ITPKB: variants seen among roughly 807,000 people sequenced by gnomAD.
ITPKB encodes the protein IP3 3-kinase B.
A neutral mutation model predicts 69.4 loss-of-function variants in ITPKB; 13 were observed. The observed-to-expected ratio is 0.19, with a 90% confidence interval of 0.12 to 0.30. The LOEUF is 0.30. ITPKB is among the 10% of genes least tolerant of loss of function. ITPKB has a pLI of 1.00. For synonymous variants in ITPKB, 584 were observed against 513.7 expected, an observed-to-expected ratio of 1.14 and a Z score of -1.85; for missense variants, 1,240 against 1,250.5, an observed-to-expected ratio of 0.99 and a Z score of 0.13.
At chr1:226,694,917 A>G (rs960738032) in intron 2 of ITPKB, among the ~76,000 whole-genome samples, 2 of 152,258 alleles carry the variant, frequency 1.3e-5, no homozygotes, top group Non-Finnish European at 2.9e-5. Context: ...AGGTCTCCTC[A>G]TTCTTCCAAC....
chr1:226,681,110 C>T (rs3768388), intron 2 of ITPKB, among the ~76,000 whole-genome samples: 2,431 of 152,264 alleles, frequency 0.016, 111 homozygotes, highest in Admixed American at 0.081. Context: ...GGTCAGAAAA[C>T]TAACCACCTG....
chr1:226,719,964 C>T (rs933694563), intron 2 of ITPKB, among the ~76,000 whole-genome samples: 1 of 152,218 alleles, frequency 6.6e-6, no homozygotes, highest in South Asian at 2.1e-4. Context: ...GGCTTATTGC[C>T]CTGCTATGTC....
At chr1:226,723,274 G>A (rs1310112034) in intron 2 of ITPKB, among the ~76,000 whole-genome samples, 4 of 152,130 alleles carry the variant, frequency 2.6e-5, no homozygotes, top group Non-Finnish European at 5.9e-5. Flanking sequence ...TAGGTTCTCT[G>A]TGGCTCACTT....
intron 2 of ITPKB, among the ~76,000 whole-genome samples, chr1:226,702,656 G>A (rs182400265): frequency 6.6e-6 from 1 of 152,280 alleles, no homozygotes; most frequent in African/African-American, 2.4e-5. Flanking sequence ...TACAACTACT[G>A]GTATTCTCTT....
chr1:226,649,524 ATGTGTGCATG>A (rs1669141739), intron 2 of ITPKB, among the ~76,000 whole-genome samples: 1 of 140,914 alleles, frequency 7.1e-6, no homozygotes, highest in Non-Finnish European at 1.5e-5. Flanking sequence ...CATGTGTGTG[ATGTGTGCATG>A]TGTGTGCATG....
chr1:226,730,399 T>G (rs147873418), intron 2 of ITPKB, among the ~76,000 whole-genome samples: 1 of 152,346 alleles, frequency 6.6e-6, no homozygotes, highest in African/African-American at 2.4e-5. Flanking sequence ...GGTGTGACTT[T>G]TGTTAACAAT....
At chr1:226,674,582 C>T (rs1163548430) in intron 2 of ITPKB, among the ~76,000 whole-genome samples, 2 of 152,168 alleles carry the variant, frequency 1.3e-5, no homozygotes, top group Non-Finnish European at 2.9e-5. Flanking sequence ...GATCTGCCCG[C>T]CTTGGCCTCC....
chr1:226,635,112 G>A (rs1378808514), intron 7 of ITPKB, among the ~76,000 whole-genome samples: 2 of 152,288 alleles, frequency 1.3e-5, no homozygotes, highest in South Asian at 4.1e-4. Flanking sequence ...TTCTGTGTGG[G>A]CAGCAGCAGG....
At chr1:226,669,969 G>A (rs1273542527) in intron 2 of ITPKB, among the ~76,000 whole-genome samples, 2 of 150,866 alleles carry the variant, frequency 1.3e-5, no homozygotes, top group Non-Finnish European at 3.0e-5. Context: ...CGCCTCCAGG[G>A]GTCAAGCAAT....
At chr1:226,699,464 T>C (rs1157830675) in intron 2 of ITPKB, among the ~76,000 whole-genome samples, 1 of 152,242 alleles carries the variant, frequency 6.6e-6, no homozygotes, top group African/African-American at 2.4e-5. Context: ...ACTAGAATTT[T>C]CTTGGACAAC....
rs562942576 is a variant in ITPKB at position 226,738,904 on chromosome 1, A to T, written c.-206+137T>A. 6.6e-6 allele frequency: 1 copy of T among 151,064 alleles called. No homozygotes were observed. Among genetic ancestry groups the T allele is most frequent in the South Asian group, 2.1e-4 (1 of 4,752 alleles). The allele number at this position is 151,064 out of a possible 1,614,324, so 9.4% of individuals were successfully genotyped here. A position where few individuals can be genotyped will look rare whatever the true frequency, so the allele number is the denominator to read the frequency against. ...ACTCCATGTCACCCTCCAAAATCAA[A>T]CCCCCTTCCCTGCCTCCCCAGCCCA... On this transcript the variant is annotated intron_variant, in intron 1 of 7. Transcript: ENST00000429204. The surrounding 1 kb of genome is among the most constrained non-coding windows in gnomAD (Gnocchi z 4.2).
chr1:226,663,571 C>T (rs757679839), intron 2 of ITPKB, among the ~76,000 whole-genome samples: 5 of 152,118 alleles, frequency 3.3e-5, no homozygotes, highest in African/African-American at 1.2e-4. Context: ...GAGTCAGTGG[C>T]GCAATCACGG....
chr1:226,731,651 T>C (rs2102650388), intron 2 of ITPKB, among the ~76,000 whole-genome samples: 1 of 152,262 alleles, frequency 6.6e-6, no homozygotes, highest in East Asian at 1.9e-4. Context: ...CATGAGTGTG[T>C]CCTTGGTTCC....
intron 2 of ITPKB, among the ~76,000 whole-genome samples, chr1:226,692,249 G>T (rs946343073): frequency 4.0e-5 from 6 of 149,160 alleles, no homozygotes; most frequent in African/African-American, 7.4e-5. Context: ...AATCATGTGG[G>T]TTTTTTTTTT....
At chr1:226,733,225 G>A (rs527833522) in intron 2 of ITPKB, among the ~76,000 whole-genome samples, 22 of 152,268 alleles carry the variant, frequency 1.4e-4, no homozygotes, top group African/African-American at 4.3e-4. Context: ...CAGCTATAGC[G>A]TTGTGCAGTA....
At chr1:226,667,679 A>T (rs1355897590) in intron 2 of ITPKB, among the ~76,000 whole-genome samples, 2 of 152,188 alleles carry the variant, frequency 1.3e-5, no homozygotes, top group Non-Finnish European at 2.9e-5. Flanking sequence ...CACAGCTGTG[A>T]GTGCTTTCTC....
At chr1:226,710,690 G>A (rs1656925248) in intron 2 of ITPKB, among the ~76,000 whole-genome samples, 1 of 152,228 alleles carries the variant, frequency 6.6e-6, no homozygotes, top group Non-Finnish European at 1.5e-5. Context: ...TCTGGAGTGA[G>A]CTGGATTCTC....
chr1:226,715,276 T>G (rs1657067408), intron 2 of ITPKB, among the ~76,000 whole-genome samples: 1 of 152,242 alleles, frequency 6.6e-6, no homozygotes, highest in Non-Finnish European at 1.5e-5. Flanking sequence ...AAGCGTTAGT[T>G]CACTCTTTTC....
At chr1:226,733,206 G>C (rs545419589) in intron 2 of ITPKB, among the ~76,000 whole-genome samples, 18 of 152,318 alleles carry the variant, frequency 1.2e-4, no homozygotes, top group Admixed American at 2.6e-4. Flanking sequence ...GAGCAAGCAT[G>C]AGAGTGTGCA....
Sources: gnomAD v4.1 joint callset for allele counts (sites outside exome capture counted in the v4.1 genomes callset) on GRCh38, gnomAD v4.1.1 for gene constraint, Gnocchi (gnomAD v3.1) non-coding constraint, MANE v1.5 for transcripts, NCBI Gene and HGNC (gene_info 2026-07-23, HGNC 2026-07-21) for gene names.